DDR2: variants seen among roughly 807,000 people sequenced by gnomAD.
DDR2 encodes discoidin domain-containing receptor 2.
Under a neutral mutation model 94.9 loss-of-function variants are expected in DDR2, and 27 were observed. The ratio of observed to expected loss-of-function variants is 0.28; its 90% confidence interval spans 0.21 to 0.39. The LOEUF (loss-of-function observed/expected upper bound fraction) is 0.39, where lower values mean the gene tolerates loss of function less well. Among genes scored for constraint, DDR2 ranks in the 10% least tolerant of loss-of-function variants. The pLI is 1.00. For synonymous variants in DDR2, 382 were observed against 377.2 expected, an observed-to-expected ratio of 1.01 and a Z score of -0.15; for missense variants, 783 against 1,076.0, an observed-to-expected ratio of 0.73 and a Z score of 3.81.
Position 162,780,465 on chromosome 1 carries a change from A to AT in DDR2, c.*219_*220insT, listed in dbSNP as rs1647844196. The AT allele has an allele frequency of 8.4e-6, 5 of 592,228 alleles. No homozygotes were observed. The highest frequency in any genetic ancestry group is 1.4e-5 in the Non-Finnish European group (5 of 350,802). The allele number at this position is 592,228 out of a possible 1,614,324, so 36.7% of individuals were successfully genotyped here. On this transcript the variant is annotated 3_prime_UTR_variant, in exon 18 of 18. Coordinates refer to ENST00000367921, the MANE Select transcript of DDR2 (RefSeq NM_006182.4). Reference sequence around the variant, plus strand: ...AAAGAACTAAAAAAGGAAAAAAAAAAGCCTAGGGCAGATACAATCTAGTAA... The same window carrying AT: ...AAAGAACTAAAAAAGGAAAAAAAAAATGCCTAGGGCAGATACAATCTAGTAA...
intron 2 of DDR2, among the ~76,000 whole-genome samples, chr1:162,714,411 A>C (rs1368112044): frequency 6.6e-6 from 1 of 152,022 alleles, no homozygotes; most frequent in African/African-American, 2.4e-5. Flanking sequence ...TTCCATCTTT[A>C]CATTTTGGGC....
At chr1:162,634,765 CCT>C (rs1472867907) in intron 1 of DDR2, among the ~76,000 whole-genome samples, 1 of 152,224 alleles carries the variant, frequency 6.6e-6, no homozygotes, top group African/African-American at 2.4e-5. Context: ...TGAAGCATCC[CCT>C]GTCTCTGAAA....
chr1:162,686,888 G>T (rs913921847), intron 2 of DDR2, among the ~76,000 whole-genome samples: 1 of 152,202 alleles, frequency 6.6e-6, no homozygotes, highest in African/African-American at 2.4e-5. Flanking sequence ...TATCATTCTT[G>T]TTTTTGTTGA....
chr1:162,775,777 A>G lies in DDR2; in HGVS notation c.1982A>G (p.Asp661Gly), dbSNP rs2102196202. The part of the protein sequence containing the change: ...CMITEYMENG[D>G]LNQFLSRHEP... The stretch of plus-strand genomic sequence containing the variant: ...ATCACTGAATACATGGAGAATGGAG[A>G]TCTCAATCAGTTTCTTTCCCGCCAC... The change falls in exon 15 of 18, where the codon GAT becomes GGT. Residue 661 changes from aspartate (D) to glycine (G), a missense_variant. Transcript: ENST00000367921. 1 of 1,614,124 alleles carries G rather than the reference A, an allele frequency of 6.2e-7. No homozygotes were observed. Among genetic ancestry groups the G allele is most frequent in the Non-Finnish European group, 8.5e-7 (1 of 1,180,004 alleles).
intron 3 of DDR2, among the ~76,000 whole-genome samples, chr1:162,726,388 T>G (rs1661667261): frequency 6.6e-6 from 1 of 152,108 alleles, no homozygotes; most frequent in African/African-American, 2.4e-5. Context: ...GATAAAAGGG[T>G]TCCAAATACA....
intron 3 of DDR2, among the ~76,000 whole-genome samples, chr1:162,721,016 C>T (rs1661393939): frequency 6.6e-6 from 1 of 152,220 alleles, no homozygotes; most frequent in Non-Finnish European, 1.5e-5. Flanking sequence ...GCTGTTGCAT[C>T]TCAGATCCTA....
chr1:162,656,867 G>T (rs529589648), intron 2 of DDR2, among the ~76,000 whole-genome samples: 10 of 17,310 alleles, frequency 5.8e-4, no homozygotes, highest in African/African-American at 9.8e-4. Context: ...TTGTTAACAG[G>T]GTTTTGCTCT....
At position 162,773,623 on chromosome 1, in the gene DDR2, C is replaced by T. The variant is rs757266668; in HGVS notation, c.1856+27C>T. 9.3e-6 allele frequency: 15 copies of T among 1,613,224 alleles called. No homozygotes were observed. In the East Asian group the frequency reaches 2.9e-4, roughly 31 times the overall value. ...TCTGTGGTCTACATTTTGAATTTTC[C>T]TTTAGGTATTTCATCTTTAGGACCA... On this transcript the variant is annotated intron_variant, in intron 14 of 17. Transcript: ENST00000367921.
Position 162,647,896 on chromosome 1 carries a change from C to G in DDR2, c.-191-7315C>G, listed in dbSNP as rs537994834. On this transcript the variant is annotated intron_variant, in intron 1 of 17. Coordinates refer to ENST00000367921, the MANE Select transcript of DDR2 (RefSeq NM_006182.4). ...TTTGTGACCTGTATGTGTCTTGTGC[C>G]AACGTCCTGTCTCATCCTGGGACTA... is the stretch of plus-strand genomic sequence containing the variant. 9.9e-5 allele frequency among the ~76,000 whole-genome samples: 15 copies of G among 152,260 alleles called. 1 individual carries two copies. The South Asian group carries it at 2.9e-3, about 29-fold the overall frequency.
In DDR2 at chr1:162,642,355, C is replaced by G. The variant is rs766887029; in HGVS notation, c.-192+9724C>G. Among the ~76,000 whole-genome samples, 2 of 151,796 alleles carry G rather than the reference C, an allele frequency of 1.3e-5. 1 individual carries two copies. Among genetic ancestry groups the G allele is most frequent in the Non-Finnish European group, 2.9e-5 (2 of 67,978 alleles). The stretch of plus-strand genomic sequence containing the variant: ...TGGCGCCATCCTGGCTCACCACAAC[C>G]TCCACCTCCCAGGTTCAAGCGATTG... On this transcript the variant is annotated intron_variant, in intron 1 of 17. Transcript: ENST00000367921.
chr1:162,692,614 T>G (rs1322713993), intron 2 of DDR2, among the ~76,000 whole-genome samples: 1 of 152,222 alleles, frequency 6.6e-6, no homozygotes, highest in Non-Finnish European at 1.5e-5. Context: ...CCCACTAAAG[T>G]GGCTGAAACC....
intron 11 of DDR2, among the ~76,000 whole-genome samples, chr1:162,769,819 G>C (rs1258965772): frequency 6.6e-6 from 1 of 152,184 alleles, no homozygotes; most frequent in Non-Finnish European, 1.5e-5. Context: ...TGGGTCAGTG[G>C]TGGGTATTAT....
At chr1:162,644,602 CTTTT>C (rs11320844) in intron 1 of DDR2, among the ~76,000 whole-genome samples, 1 of 140,546 alleles carries the variant, frequency 7.1e-6, no homozygotes. Flanking sequence ...CATTATTTAC[CTTTT>C]TTTTTTTTTT....
rs1463568634 is a variant in DDR2 at position 162,782,972 on chromosome 1, C to T, written c.*2726C>T. The T allele has an allele frequency of 2.0e-5, 3 of 152,142 alleles. No homozygotes were observed. The East Asian group carries it at 5.8e-4, about 29-fold the overall frequency. 9.4% of individuals were successfully genotyped at this position (152,142 alleles called of 1,614,324 possible). On this transcript the variant is annotated 3_prime_UTR_variant, in exon 18 of 18. Coordinates refer to ENST00000367921, the MANE Select transcript of DDR2 (RefSeq NM_006182.4). ...TAGTCATGCCTTTAGAGTTTAGTAG[C>T]ACAAATCCATGCAACCCAACAGAAT...
At chr1:162,712,326 G>T (rs1181917625) in intron 2 of DDR2, among the ~76,000 whole-genome samples, 1 of 151,158 alleles carries the variant, frequency 6.6e-6, no homozygotes, top group African/African-American at 2.4e-5. Context: ...AGAATGTTCA[G>T]ATAACTTACC....
intron 3 of DDR2, 87 bp from the exon 4 acceptor site, chr1:162,753,008 C>G: frequency 8.7e-7 from 1 of 1,154,692 alleles, no homozygotes; most frequent in South Asian, 1.3e-5. Flanking sequence ...ATTCCTTGTT[C>G]AATATTCAGT....
chr1:162,711,359 T>A (rs1660905761), intron 2 of DDR2, among the ~76,000 whole-genome samples: 1 of 152,210 alleles, frequency 6.6e-6, no homozygotes, highest in Non-Finnish European at 1.5e-5. Context: ...TGTGTGGGAT[T>A]TTTTATTCAA....
intron 2 of DDR2, among the ~76,000 whole-genome samples, chr1:162,675,793 C>T (rs1487568733): frequency 6.6e-6 from 1 of 152,076 alleles, no homozygotes; most frequent in African/African-American, 2.4e-5. Flanking sequence ...CCTGTGGCTG[C>T]AGAAAAGAGG....
At chr1:162,709,841 A>C (rs185502804) in intron 2 of DDR2, among the ~76,000 whole-genome samples, 1 of 152,332 alleles carries the variant, frequency 6.6e-6, no homozygotes, top group East Asian at 1.9e-4. Flanking sequence ...AGGTTGAATA[A>C]CTTGTCCAGG....
Sources: allele counts gnomAD v4.1 joint callset (sites outside exome capture counted in the v4.1 genomes callset), GRCh38; gene constraint gnomAD v4.1.1; transcripts MANE v1.5; gene names NCBI Gene and HGNC (gene_info 2026-07-23, HGNC 2026-07-21).